Variants in CCDC146 observed in about 807,000 individuals in gnomAD.
CCDC146 encodes the protein coiled-coil domain-containing protein 146.
CCDC146 carries 92 observed loss-of-function variants against 119.3 expected under a neutral mutation model. The observed-to-expected ratio is 0.77, with a 90% CI of 0.65 to 0.92. CCDC146 has a LOEUF of 0.92. Ranked by LOEUF, CCDC146 falls within the 40% of genes least tolerant of loss-of-function variation. CCDC146 has a pLI of 0.00. For missense variants in CCDC146, 1,000 were observed against 1,103.0 expected, an observed-to-expected ratio of 0.91 and a Z score of 1.32; for synonymous variants, 372 against 371.8, an observed-to-expected ratio of 1.00 and a Z score of -0.01.
At chr7:77,195,861 T>G (rs1008936542) in intron 2 of CCDC146, 1 of 160,284 alleles carries the variant, frequency 6.2e-6, no homozygotes, top group African/African-American at 2.4e-5. Context: ...TTCACATGTT[T>G]GGCCAGGCTG....
At chr7:77,216,979 AGT>A (rs1792312957) in intron 2 of CCDC146, among the ~76,000 whole-genome samples, 1 of 152,072 alleles carries the variant, frequency 6.6e-6, no homozygotes, top group Admixed American at 6.6e-5. Flanking sequence ...TTTGTTCTAC[AGT>A]GTGTGTTTTA....
At position 77,241,219 on chromosome 7, in the gene CCDC146, A is replaced by G. The variant is rs1344371249; in HGVS notation, c.240-472A>G. ...ACTACAGGCGCCCGCCACCATGCCC[A>G]GCTAATTTTTTGTATTTTTAGTAGA... On this transcript the variant is annotated intron_variant, in intron 3 of 18. Transcript: ENST00000285871. Among the ~76,000 whole-genome samples the G allele has an allele frequency of 3.1e-5, 3 of 96,270 alleles. No individual in the cohort carries two copies. The East Asian group carries it at 7.5e-4, about 24-fold the overall frequency. 63.2% of individuals were successfully genotyped at this position (96,270 alleles called of 152,430 possible).
intron 4 of CCDC146, among the ~76,000 whole-genome samples, chr7:77,248,869 A>G (rs1273301666): frequency 1.3e-5 from 2 of 152,238 alleles, no homozygotes; most frequent in Non-Finnish European, 2.9e-5. Flanking sequence ...TTTCTCATGA[A>G]TAAGTGAACA....
chr7:77,293,744 T>G (rs1379341047), intron 18 of CCDC146, among the ~76,000 whole-genome samples: 1 of 152,248 alleles, frequency 6.6e-6, no homozygotes, highest in Non-Finnish European at 1.5e-5. Context: ...GCAAGTTAGA[T>G]AGCAGATCTT....
chr7:77,172,953 G>A (rs1054011253), intron 2 of CCDC146, among the ~76,000 whole-genome samples: 6 of 151,998 alleles, frequency 3.9e-5, no homozygotes, highest in African/African-American at 1.2e-4. Flanking sequence ...CAGCTCACAG[G>A]GGTTTCTCCA....
At chr7:77,143,367 G>T (rs1001881774) in intron 1 of CCDC146, among the ~76,000 whole-genome samples, 18 of 151,734 alleles carry the variant, frequency 1.2e-4, no homozygotes, top group African/African-American at 4.1e-4. Context: ...TCTGTAGGTT[G>T]CCTCTTCACT....
At chr7:77,288,496 G>A (rs60670836) in intron 17 of CCDC146, among the ~76,000 whole-genome samples, 23,049 of 152,090 alleles carry the variant, frequency 0.15, 2,980 homozygotes, top group African/African-American at 0.35. Flanking sequence ...GTGCAGGCAC[G>A]GGACTCACTC....
At chr7:77,204,194 A>G (rs751523491) in intron 2 of CCDC146, among the ~76,000 whole-genome samples, 1 of 152,202 alleles carries the variant, frequency 6.6e-6, no homozygotes, top group Non-Finnish European at 1.5e-5. Flanking sequence ...TTTAAAGAAT[A>G]TGTGCTTTTC....
At chr7:77,142,014 C>T (rs924787659) in intron 1 of CCDC146, among the ~76,000 whole-genome samples, 12 of 152,064 alleles carry the variant, frequency 7.9e-5, no homozygotes, top group African/African-American at 2.7e-4. Flanking sequence ...AATGGTATTG[C>T]CTGGGTTTTC....
intron 2 of CCDC146, among the ~76,000 whole-genome samples, chr7:77,197,756 T>C (rs1029395090): frequency 6.6e-6 from 1 of 152,220 alleles, no homozygotes; most frequent in Non-Finnish European, 1.5e-5. Flanking sequence ...TCTTTTTCAA[T>C]GACACACCAA....
chr7:77,184,785 A>G (rs1791638948), intron 2 of CCDC146, among the ~76,000 whole-genome samples: 1 of 152,204 alleles, frequency 6.6e-6, no homozygotes, highest in Non-Finnish European at 1.5e-5. Context: ...CACTAGGTTA[A>G]ATAGGGACAT....
intron 9 of CCDC146, among the ~76,000 whole-genome samples, chr7:77,269,947 A>G (rs1793478821): frequency 6.6e-6 from 1 of 152,192 alleles, no homozygotes; most frequent in South Asian, 2.1e-4. Flanking sequence ...ACTTGCATGC[A>G]ATCCAAAACT....
At position 77,287,547 on chromosome 7, in the gene CCDC146, C is replaced by T; in HGVS notation, c.2385C>T (p.Cys795=). 6.2e-7 allele frequency: 1 copy of T among 1,613,876 alleles called. No individual in the cohort carries two copies. Residue 795 remains cysteine, a synonymous_variant, in exon 17 of 19, where the codon TGC becomes TGT. Transcript: ENST00000285871. ...TDRLCSKTQG[C]KQDTLLLAKK... is the part of the protein sequence containing the mutation. ...GGCTCTGCAGCAAAACTCAGGGCTG[C>T]AAGCAGGACACACTGCTCTTAGCCA...
chr7:77,145,507 G>T (rs1584022759), intron 1 of CCDC146, among the ~76,000 whole-genome samples: 1 of 150,686 alleles, frequency 6.6e-6, no homozygotes, highest in Non-Finnish European at 1.5e-5. Context: ...TAATTGTGAT[G>T]TTAGGGTGTC....
At chr7:77,186,514 G>A (rs1192334896) in intron 2 of CCDC146, among the ~76,000 whole-genome samples, 1 of 151,914 alleles carries the variant, frequency 6.6e-6, no homozygotes, top group African/African-American at 2.4e-5. Flanking sequence ...GAGGGCAGGG[G>A]GTAAGTGAGG....
chr7:77,189,179 AC>A (rs1022097267), intron 2 of CCDC146, among the ~76,000 whole-genome samples: 3 of 151,314 alleles, frequency 2.0e-5, no homozygotes, highest in African/African-American at 7.3e-5. Context: ...CTCCCACCCC[AC>A]TCCATTCCAC....
At chr7:77,225,943 CA>C (rs11335340) in intron 2 of CCDC146, among the ~76,000 whole-genome samples, 139,854 of 149,544 alleles carry the variant, frequency 0.94, 65,469 homozygotes, top group African/African-American at 0.98. Context: ...AACTTCATCT[CA>C]AAAAAAAAAA....
At chr7:77,254,591 T>A in intron 5 of CCDC146, 28 bp downstream of exon 5, 1 of 1,208,358 alleles carries the variant, frequency 8.3e-7, no homozygotes, top group Non-Finnish European at 1.2e-6. Flanking sequence ...TAGAGTTTCT[T>A]AAATACAGCT....
In CCDC146 at chr7:77,295,039, T is replaced by A. The variant is rs1234196222; in HGVS notation, c.*173T>A. 1 of 597,018 alleles carries A rather than the reference T, an allele frequency of 1.7e-6. No individual in the cohort carries two copies. Among genetic ancestry groups the A allele is most frequent in the Non-Finnish European group, 3.0e-6 (1 of 337,424 alleles). The allele number at this position is 597,018 out of a possible 1,614,324, so 37.0% of individuals were successfully genotyped here. A position where few individuals can be genotyped will look rare whatever the true frequency, so the allele number is the denominator to read the frequency against. On this transcript the variant is annotated 3_prime_UTR_variant, in exon 19 of 19. Coordinates refer to ENST00000285871, the MANE Select transcript of CCDC146 (RefSeq NM_020879.3). ...CTATTTACCCACCAACTACTATACC[T>A]TTCATGACGTTGAATGGGACATAGA...
Sources: allele counts gnomAD v4.1 joint callset (sites outside exome capture counted in the v4.1 genomes callset), GRCh38; gene constraint gnomAD v4.1.1; transcripts MANE v1.5; gene names NCBI Gene and HGNC (gene_info 2026-07-23, HGNC 2026-07-21).